GALNT10: variants seen among roughly 807,000 people sequenced by gnomAD.
GALNT10 encodes polypeptide N-acetylgalactosaminyltransferase 10, also known as GalNAc transferase 10.
In GALNT10, 41 loss-of-function variants were observed where a neutral mutation model predicts 75.0. The observed-to-expected ratio is 0.55, with a 90% confidence interval of 0.43 to 0.71. The LOEUF is 0.71. Ranked by LOEUF, GALNT10 falls within the 30% of genes least tolerant of loss-of-function variation. The probability of loss-of-function intolerance (pLI) is 0.00; values close to 1 mark genes in which losing one functional copy is unlikely to be tolerated. For missense variants in GALNT10, 727 were observed against 818.5 expected (o/e 0.89, Z 1.36); for synonymous variants, 302 against 313.0 (o/e 0.96, Z 0.37).
chr5:154,235,895 G>A (rs1753238721), intron 1 of GALNT10, among the ~76,000 whole-genome samples: 1 of 152,312 alleles, frequency 6.6e-6, no homozygotes. Flanking sequence ...TAAAGACTTA[G>A]GAGGAAGCAA....
intron 1 of GALNT10, among the ~76,000 whole-genome samples, chr5:154,253,959 C>T (rs1376647295): frequency 2.0e-5 from 3 of 152,142 alleles, no homozygotes; most frequent in Non-Finnish European, 4.4e-5. Flanking sequence ...TTCAGACCTG[C>T]TCACTGTGGA....
chr5:154,334,640 G>T (rs547423359), intron 4 of GALNT10, among the ~76,000 whole-genome samples: 27 of 152,354 alleles, frequency 1.8e-4, no homozygotes, highest in African/African-American at 6.3e-4. Flanking sequence ...ACTAGAGGCT[G>T]CCCGGAATGA....
intron 4 of GALNT10, among the ~76,000 whole-genome samples, chr5:154,369,710 G>T (rs1755535382): frequency 6.6e-6 from 1 of 152,184 alleles, no homozygotes; most frequent in Non-Finnish European, 1.5e-5. Context: ...GCCAAGCAGA[G>T]CCAAGATTTG....
At chr5:154,337,619 A>T in intron 4 of GALNT10, 1 of 890,368 alleles carries the variant, frequency 1.1e-6, no homozygotes, top group Non-Finnish European at 1.9e-6. Flanking sequence ...CAAAATTTGA[A>T]GACTGATAGT....
chr5:154,196,051 G>C (rs1360263019), intron 1 of GALNT10, among the ~76,000 whole-genome samples: 1 of 152,036 alleles, frequency 6.6e-6, no homozygotes, highest in Non-Finnish European at 1.5e-5. Context: ...GCCTTCCCAA[G>C]TAGCTGGGAT....
intron 8 of GALNT10, among the ~76,000 whole-genome samples, chr5:154,405,122 G>A (rs1756246521): frequency 1.3e-5 from 2 of 152,186 alleles, no homozygotes; most frequent in Admixed American, 6.5e-5. Context: ...GCCCCGCCCC[G>A]GCCAGGAGAC....
rs1311072907 is a variant in GALNT10 at position 154,190,850 on chromosome 5, G to T, written c.-17G>T. On this transcript the variant is annotated 5_prime_UTR_variant, in exon 1 of 12. Transcript: ENST00000297107. ...CGCGGCGGGGCCGGCGGGGCGCGGC[G>T]GGGCTGACCGGCCCCGATGAGGCGG... The T allele has an allele frequency of 9.9e-6, 12 of 1,211,742 alleles. No homozygotes were observed. The highest frequency in any genetic ancestry group is 6.5e-4 in the Middle Eastern group (2 of 3,082). 75.1% of individuals were successfully genotyped at this position (1,211,742 alleles called of 1,614,324 possible).
At chr5:154,315,266 T>C (rs1754579959) in intron 3 of GALNT10, among the ~76,000 whole-genome samples, 1 of 152,250 alleles carries the variant, frequency 6.6e-6, no homozygotes, top group African/African-American at 2.4e-5. Context: ...GAGTATCCCA[T>C]GCAAGGAATC....
chr5:154,295,679 G>A (rs1212170947), intron 2 of GALNT10, among the ~76,000 whole-genome samples: 1 of 152,182 alleles, frequency 6.6e-6, no homozygotes, highest in East Asian at 1.9e-4. Flanking sequence ...GGAGTCAGGA[G>A]AGCAGCTCTG....
intron 3 of GALNT10, among the ~76,000 whole-genome samples, chr5:154,310,413 T>C (rs1210388249): frequency 6.7e-6 from 1 of 148,624 alleles, no homozygotes; most frequent in African/African-American, 2.5e-5. Context: ...AGGTTTTTCT[T>C]TTTTTGGACC....
chr5:154,329,454 C>A (rs1005719953), intron 3 of GALNT10, 118 bp from the exon 4 acceptor site: 14 of 749,742 alleles, frequency 1.9e-5, no homozygotes, highest in African/African-American at 3.5e-5. Flanking sequence ...GGATTTTGCT[C>A]ATTCCCTAAA....
At chr5:154,255,216 C>G (rs1753588559) in intron 1 of GALNT10, among the ~76,000 whole-genome samples, 1 of 152,086 alleles carries the variant, frequency 6.6e-6, no homozygotes, top group African/African-American at 2.4e-5. Flanking sequence ...GAACTAATCT[C>G]TAATAATTAG....
At chr5:154,405,610 G>C (rs1390546077) in intron 8 of GALNT10, among the ~76,000 whole-genome samples, 1 of 152,130 alleles carries the variant, frequency 6.6e-6, no homozygotes, top group Admixed American at 6.5e-5. Context: ...GGACCATGGG[G>C]ACACTCCAAC....
Position 154,233,608 on chromosome 5 carries a change from C to T in GALNT10, c.159+42583C>T, listed in dbSNP as rs373575259. Among the ~76,000 whole-genome samples, 8 of 152,160 alleles carry T rather than the reference C, an allele frequency of 5.3e-5. No individual in the cohort carries two copies. In the East Asian group the frequency reaches 1.5e-3, roughly 29 times the overall value. On this transcript the variant is annotated intron_variant, in intron 1 of 11. Transcript: ENST00000297107. ...GTGGTGGCACTGGGATGAGATTCTT[C>T]AGAGCACCCCCCACCAGCCGCCCAC...
At chr5:154,219,152 T>A (rs936437749) in intron 1 of GALNT10, among the ~76,000 whole-genome samples, 6 of 152,234 alleles carry the variant, frequency 3.9e-5, no homozygotes, top group South Asian at 2.1e-4. Flanking sequence ...TGGCTCCCAA[T>A]GTAGCTCATC....
At chr5:154,224,060 G>A (rs1235510070) in intron 1 of GALNT10, among the ~76,000 whole-genome samples, 2 of 152,246 alleles carry the variant, frequency 1.3e-5, no homozygotes, top group Admixed American at 6.5e-5. Context: ...GAGAAAAGGC[G>A]ATTAAAATCT....
At chr5:154,383,466 AAAGT>A (rs950481364) in intron 6 of GALNT10, among the ~76,000 whole-genome samples, 12 of 152,328 alleles carry the variant, frequency 7.9e-5, no homozygotes, top group African/African-American at 2.9e-4. Context: ...TGGTGTCAGT[AAAGT>A]AAGTAGCACA....
intron 7 of GALNT10, among the ~76,000 whole-genome samples, chr5:154,391,886 C>T (rs912855913): frequency 2.0e-5 from 3 of 152,060 alleles, no homozygotes; most frequent in African/African-American, 4.8e-5. Context: ...TTTTTCCCAT[C>T]ATCTTGTACA....
chr5:154,393,704 T>C (rs942321147), intron 7 of GALNT10, among the ~76,000 whole-genome samples: 17 of 152,052 alleles, frequency 1.1e-4, no homozygotes, highest in African/African-American at 3.6e-4. Flanking sequence ...GGCATGGTGG[T>C]GTGCTGCGTG....
Sources: allele counts gnomAD v4.1 joint callset (sites outside exome capture counted in the v4.1 genomes callset), GRCh38; gene constraint gnomAD v4.1.1; transcripts MANE v1.5; gene names NCBI Gene and HGNC (gene_info 2026-07-23, HGNC 2026-07-21).